Variants in LIPA observed in about 807,000 individuals in gnomAD.
LIPA encodes lipase A, lysosomal acid type.
LIPA carries 26 observed loss-of-function variants against 40.6 expected under a neutral mutation model. The observed-to-expected ratio is 0.64, with a 90% CI of 0.47 to 0.89. The LOEUF (loss-of-function observed/expected upper bound fraction) is 0.89. Among genes scored for constraint, LIPA ranks in the 40% least tolerant of loss-of-function variants. The probability of loss-of-function intolerance (pLI) is 0.00; values close to 1 mark genes in which losing one functional copy is unlikely to be tolerated. For missense variants in LIPA, 455 were observed against 479.6 expected (o/e 0.95, Z 0.48); for synonymous variants, 188 against 168.4 (o/e 1.12, Z -0.90).
intron 1 of LIPA, chr10:89,307,431 C>T: frequency 7.2e-7 from 1 of 1,398,506 alleles, no homozygotes; most frequent in Non-Finnish European, 9.8e-7. Flanking sequence ...GAAATTCCTC[C>T]ACCAAGTTGG....
At chr10:89,257,783 A>G (rs1843188282) in intron 1 of LIPA, among the ~76,000 whole-genome samples, 1 of 152,240 alleles carries the variant, frequency 6.6e-6, no homozygotes, top group Non-Finnish European at 1.5e-5. Context: ...AAGGCAGCAG[A>G]GTTGCAGGGC....
At chr10:89,284,454 A>C (rs1210543167) in intron 1 of LIPA, 1 of 152,252 alleles carries the variant, frequency 6.6e-6, no homozygotes, top group Non-Finnish European at 1.5e-5. Context: ...AAAAGCCTCC[A>C]GTGAAGCTGG....
rs917801790 is a variant in LIPA at position 89,384,967 on chromosome 10, T to A, written c.61+27824A>T. Reference sequence around the variant, plus strand: ...GACATAAGACCCCCTGAAAGTATCATCCCTCCTGATGGAATGGTAAAGCAA... The same window carrying A: ...GACATAAGACCCCCTGAAAGTATCAACCCTCCTGATGGAATGGTAAAGCAA... On this transcript the variant is annotated intron_variant, in intron 2 of 8. Coordinates refer to the LIPA transcript ENST00000371837. 4.8e-5 allele frequency: 24 copies of A among 498,554 alleles called. 1 individual carries two copies. The South Asian group carries it at 7.2e-4, about 15-fold the overall frequency. 30.9% of individuals were successfully genotyped at this position (498,554 alleles called of 1,614,324 possible). A position where few individuals can be genotyped will look rare whatever the true frequency, so the allele number is the denominator to read the frequency against.
Position 89,278,949 on chromosome 10 carries a change from A to C in LIPA, c.-1-31300T>G, listed in dbSNP as rs188552816. ...TTCATATGCACACACACACAGAGAC[A>C]TATATATAATGGAAACATACAGAAT... On this transcript the variant is annotated intron_variant, in intron 1 of 5. Transcript: ENST00000282673. Among the ~76,000 whole-genome samples, 6 of 152,244 alleles carry C rather than the reference A, an allele frequency of 3.9e-5. No homozygotes were observed. In the East Asian group the frequency reaches 1.2e-3, roughly 29 times the overall value.
chr10:89,365,532 AT>A (rs1249719899), intron 2 of LIPA, among the ~76,000 whole-genome samples: 2 of 152,140 alleles, frequency 1.3e-5, no homozygotes, highest in African/African-American at 4.8e-5. Flanking sequence ...GCCCATGCGT[AT>A]GTCCTGAATG....
intron 2 of LIPA, among the ~76,000 whole-genome samples, chr10:89,385,676 A>G (rs962447248): frequency 2.6e-5 from 4 of 152,206 alleles, no homozygotes; most frequent in African/African-American, 9.6e-5. Context: ...CTATTTCCCA[A>G]GGCCCTACTG....
intron 2 of LIPA, chr10:89,362,678 T>C (rs1844030467): frequency 6.3e-6 from 4 of 637,232 alleles, no homozygotes; most frequent in Non-Finnish European, 1.0e-5. Flanking sequence ...TAGAGAACAT[T>C]TGCAAGAAGT....
chr10:89,348,612 C>T (rs1843938905), intron 2 of LIPA, among the ~76,000 whole-genome samples: 1 of 152,144 alleles, frequency 6.6e-6, no homozygotes, highest in Non-Finnish European at 1.5e-5. Flanking sequence ...AGGAGAATCC[C>T]GCAGCTCACG....
At chr10:89,378,044 C>T in intron 2 of LIPA, 2 of 1,393,390 alleles carry the variant, frequency 1.4e-6, no homozygotes, top group Non-Finnish European at 2.0e-6. Flanking sequence ...CCATGCTTAT[C>T]TGAGAAGCCC....
At chr10:89,251,614 G>T (rs1308766028) in intron 1 of LIPA, 123 bp downstream of exon 1, 2 of 152,316 alleles carry the variant, frequency 1.3e-5, no homozygotes, top group Admixed American at 1.3e-4. Context: ...AAGACTCGCT[G>T]GGTCCAAACG....
At chr10:89,391,898 T>C (rs1005562331) in intron 2 of LIPA, among the ~76,000 whole-genome samples, 3 of 152,226 alleles carry the variant, frequency 2.0e-5, no homozygotes, top group East Asian at 3.8e-4. Flanking sequence ...TGCATGCTTC[T>C]ATGTGCCAGG....
intron 2 of LIPA, among the ~76,000 whole-genome samples, chr10:89,357,422 T>C (rs143111161): frequency 1.5e-3 from 227 of 152,338 alleles, no homozygotes; most frequent in African/African-American, 5.2e-3. Context: ...TTCTAGCATA[T>C]TTTTAAATTC....
At chr10:89,245,483 C>G (rs1843011550) in intron 3 of LIPA, among the ~76,000 whole-genome samples, 193 bp downstream of exon 3, 1 of 152,114 alleles carries the variant, frequency 6.6e-6, no homozygotes, top group East Asian at 1.9e-4. Context: ...GGCCTTTGAA[C>G]AAAAAATTAG....
At chr10:89,306,582 A>T (rs765229072) in intron 1 of LIPA, 1 of 1,614,100 alleles carries the variant, frequency 6.2e-7, no homozygotes, top group Non-Finnish European at 8.5e-7. Flanking sequence ...CCTGACAACC[A>T]GTACCTTAAA....
intron 2 of LIPA, among the ~76,000 whole-genome samples, chr10:89,355,704 A>C (rs1273504986): frequency 6.6e-6 from 1 of 152,230 alleles, no homozygotes; most frequent in Non-Finnish European, 1.5e-5. Context: ...GCGGTAAAGA[A>C]GCCAGCCAAA....
At chr10:89,359,129 C>T (rs577577767) in intron 2 of LIPA, among the ~76,000 whole-genome samples, 1 of 152,088 alleles carries the variant, frequency 6.6e-6, no homozygotes, top group African/African-American at 2.4e-5. Context: ...GAGGAGCAGC[C>T]CAACCCGTCC....
rs189472160 is a variant in LIPA, at chr10:89,227,284, T to C, written c.429-280A>G. Among the ~76,000 whole-genome samples, 12 of 152,392 alleles carry C rather than the reference T, an allele frequency of 7.9e-5. No individual in the cohort carries two copies. In the East Asian group the frequency reaches 1.9e-3, roughly 24 times the overall value. On this transcript the variant is annotated intron_variant, in intron 4 of 9. Coordinates refer to ENST00000336233, the MANE Select transcript of LIPA (RefSeq NM_000235.4). The stretch of plus-strand genomic sequence containing the variant: ...TAGAATTATACAATGTGTATTCTCC[T>C]GTATCTGGCTTAATCCATTTTTTGC...
At chr10:89,399,679 T>C (rs1055569569) in intron 2 of LIPA, among the ~76,000 whole-genome samples, 1 of 152,174 alleles carries the variant, frequency 6.6e-6, no homozygotes, top group Admixed American at 6.5e-5. Flanking sequence ...ATTCCACCAT[T>C]GTTATGGAAT....
intron 2 of LIPA, among the ~76,000 whole-genome samples, chr10:89,400,046 ATAT>A (rs945737193): frequency 1.6e-4 from 25 of 152,238 alleles, no homozygotes; most frequent in African/African-American, 5.8e-4. Flanking sequence ...CCACTCTGTT[ATAT>A]TGAGTTATGA....
Sources: allele counts gnomAD v4.1 joint callset (sites outside exome capture counted in the v4.1 genomes callset), GRCh38; gene constraint gnomAD v4.1.1; transcripts MANE v1.5; gene names NCBI Gene and HGNC (gene_info 2026-07-23, HGNC 2026-07-21).